DOCK10: variants seen among roughly 807,000 people sequenced by gnomAD.
DOCK10 encodes dedicator of cytokinesis 10.
A neutral mutation model predicts 280.1 loss-of-function variants in DOCK10; 145 were observed. That is an observed-to-expected ratio of 0.52 (90% CI 0.45 to 0.59). The LOEUF (loss-of-function observed/expected upper bound fraction) is 0.59. DOCK10 is among the 20% of genes least tolerant of loss of function. The probability of loss-of-function intolerance (pLI) is 0.00; values close to 1 mark genes in which losing one functional copy is unlikely to be tolerated. For missense variants in DOCK10, 2,368 were observed against 2,651.7 expected (o/e 0.89, Z 2.35); for synonymous variants, 915 against 942.2 (o/e 0.97, Z 0.53).
intron 47 of DOCK10, among the ~76,000 whole-genome samples, chr2:224,791,717 AC>A (rs764585716): frequency 6.0e-4 from 90 of 150,520 alleles, no homozygotes; most frequent in Non-Finnish European, 9.6e-4. Context: ...CTTGTGATCC[AC>A]CTGCCTTGGT....
At chr2:224,953,989 G>A (rs531823998) in intron 1 of DOCK10, among the ~76,000 whole-genome samples, 1 of 152,100 alleles carries the variant, frequency 6.6e-6, no homozygotes, top group South Asian at 2.1e-4. Flanking sequence ...TTGTGCATTT[G>A]CTGTGTATGT....
Position 224,781,024 on chromosome 2 carries a change from G to A in DOCK10, c.5656-2740C>T, listed in dbSNP as rs3768873. ...TACTTACTGGGAGGCTGTAAGGACC[G>A]CGCTTGGTAAACAGATGGCCTTTGG... On this transcript the variant is annotated intron_variant, in intron 50 of 55. Transcript: ENST00000258390. 2.0e-5 allele frequency among the ~76,000 whole-genome samples: 3 copies of A among 152,128 alleles called. No homozygotes were observed. In the East Asian group the frequency reaches 5.8e-4, roughly 29 times the overall value.
At chr2:224,803,924 A>C (rs904936694) in intron 39 of DOCK10, among the ~76,000 whole-genome samples, 188 bp downstream of exon 39, 1 of 152,060 alleles carries the variant, frequency 6.6e-6, no homozygotes, top group African/African-American at 2.4e-5. Context: ...CAGACAGTAA[A>C]GTATCTAAGA....
At chr2:224,868,685 A>G (rs1698078581) in intron 11 of DOCK10, among the ~76,000 whole-genome samples, 1 of 152,184 alleles carries the variant, frequency 6.6e-6, no homozygotes, top group Non-Finnish European at 1.5e-5. Flanking sequence ...TACTGTTAGA[A>G]AAAAGTTTTT....
chr2:225,003,717 A>G (rs888875927), intron 1 of DOCK10, among the ~76,000 whole-genome samples: 1 of 152,212 alleles, frequency 6.6e-6, no homozygotes, highest in Non-Finnish European at 1.5e-5. Context: ...CTGATCCCTA[A>G]TGGCCATCCT....
At chr2:224,822,334 A>G (rs867801576) in intron 28 of DOCK10, among the ~76,000 whole-genome samples, 17 of 152,224 alleles carry the variant, frequency 1.1e-4, no homozygotes, top group Non-Finnish European at 1.3e-4. Flanking sequence ...TTGTAACCCA[A>G]TGAAATATAA....
At chr2:225,030,157 A>AG (rs1690037331) in intron 1 of DOCK10, among the ~76,000 whole-genome samples, 1 of 151,504 alleles carries the variant, frequency 6.6e-6, no homozygotes, top group East Asian at 1.9e-4. Flanking sequence ...AAAAAAAAAA[A>AG]AAAAAAAGAA....
intron 7 of DOCK10, among the ~76,000 whole-genome samples, chr2:224,878,039 A>G (rs1457732457): frequency 6.6e-6 from 1 of 152,218 alleles, no homozygotes; most frequent in African/African-American, 2.4e-5. Flanking sequence ...CCATAAAATG[A>G]GATCAATAGT....
intron 3 of DOCK10, among the ~76,000 whole-genome samples, chr2:224,915,814 A>G (rs1281350709): frequency 6.6e-6 from 1 of 152,232 alleles, no homozygotes. Flanking sequence ...CACTGGCTCA[A>G]TTCCTGCTCT....
intron 23 of DOCK10, 88 bp downstream of exon 23, chr2:224,841,716 C>T: frequency 1.3e-6 from 1 of 762,266 alleles, no homozygotes; most frequent in South Asian, 1.7e-5. Context: ...TAATCATCTC[C>T]CAGTTTGCCC....
chr2:225,023,609 G>A (rs1424551872), intron 1 of DOCK10, among the ~76,000 whole-genome samples: 1 of 152,132 alleles, frequency 6.6e-6, no homozygotes, highest in Non-Finnish European at 1.5e-5. Context: ...GCTTATGAGA[G>A]TGGAAAGTGG....
At chr2:224,933,639 G>C (rs1024522607) in intron 1 of DOCK10, among the ~76,000 whole-genome samples, 3 of 152,070 alleles carry the variant, frequency 2.0e-5, no homozygotes, top group Non-Finnish European at 4.4e-5. Flanking sequence ...CCTTAGATTT[G>C]GTTCATTGTT....
At chr2:224,903,719 C>A (rs1452418507) in intron 3 of DOCK10, among the ~76,000 whole-genome samples, 1 of 152,012 alleles carries the variant, frequency 6.6e-6, no homozygotes, top group Admixed American at 6.6e-5. Flanking sequence ...AAAATGGGTT[C>A]TTTTTTATTC....
intron 2 of DOCK10, among the ~76,000 whole-genome samples, chr2:224,929,005 C>A (rs541954938): frequency 6.6e-6 from 1 of 152,238 alleles, no homozygotes; most frequent in Non-Finnish European, 1.5e-5. Flanking sequence ...CCCCTTTAGC[C>A]TGAAACATGC....
chr2:224,863,816 A>G (rs1697691578), intron 13 of DOCK10, among the ~76,000 whole-genome samples: 1 of 152,246 alleles, frequency 6.6e-6, no homozygotes, highest in Admixed American at 6.5e-5. Context: ...GAAAAGAAGA[A>G]AGTAGAAACA....
intron 2 of DOCK10, among the ~76,000 whole-genome samples, chr2:224,918,983 T>C (rs527485861): frequency 1.2e-4 from 16 of 134,176 alleles, no homozygotes; most frequent in African/African-American, 4.2e-4. Flanking sequence ...GTGTGTGTGT[T>C]TGTGGTAAGT....
chr2:225,041,248 T>C (rs1227380045), intron 1 of DOCK10, among the ~76,000 whole-genome samples: 1 of 152,208 alleles, frequency 6.6e-6, no homozygotes, highest in Non-Finnish European at 1.5e-5. Context: ...GTTTAGTTCC[T>C]AATGATATTT....
Position 224,793,423 on chromosome 2 carries a change from A to G in DOCK10, c.5189T>C (p.Ile1730Thr), listed in dbSNP as rs368180753. 13 of 1,613,516 alleles carry G rather than the reference A, an allele frequency of 8.1e-6. No homozygotes were observed. In the African/African-American group the frequency reaches 1.6e-4, roughly 20 times the overall value. Residue 1730 changes from isoleucine to threonine, a missense_variant, in exon 46 of 56, where the codon ATT becomes ACT. Around this residue, in one of 2 missense-constraint regions of DOCK10, gnomAD observed 1,159 missense variants for 1,400.8 expected, o/e 0.83. Coordinates refer to ENST00000258390, the MANE Select transcript of DOCK10 (RefSeq NM_014689.3). ...AMCYIHIAAL[I>T]AEYLKRKGYW... Reference sequence around the variant, plus strand: ...ACCCTTTCTTTTCAGATACTCTGCAATGAGAGCAGCAATATGGATGTAACA... The same window carrying G: ...ACCCTTTCTTTTCAGATACTCTGCAGTGAGAGCAGCAATATGGATGTAACA...
At chr2:225,040,470 A>G (rs923673725) in intron 1 of DOCK10, among the ~76,000 whole-genome samples, 6 of 151,778 alleles carry the variant, frequency 4.0e-5, no homozygotes, top group African/African-American at 1.5e-4. Flanking sequence ...TTGACAAGAT[A>G]CCCTAGGATT....
Sources: gnomAD v4.1 joint callset for allele counts (sites outside exome capture counted in the v4.1 genomes callset) on GRCh38, gnomAD v4.1.1 for gene constraint, gnomAD v4.1.1 regional missense constraint, MANE v1.5 for transcripts, NCBI Gene and HGNC (gene_info 2026-07-23, HGNC 2026-07-21) for gene names.